Variants in DCC observed in about 807,000 individuals in gnomAD.
DCC encodes the protein netrin receptor DCC.
In DCC, 58 loss-of-function variants were observed where a neutral mutation model predicts 172.5. The ratio of observed to expected loss-of-function variants is 0.34; its 90% CI spans 0.27 to 0.42. The LOEUF is 0.42. Ranked by LOEUF, DCC falls within the 10% of genes least tolerant of loss-of-function variation. The probability of loss-of-function intolerance (pLI) is 1.00; values close to 1 mark genes in which losing one functional copy is unlikely to be tolerated. For missense variants in DCC, 1,740 were observed against 1,791.0 expected, an observed-to-expected ratio of 0.97 and a Z score of 0.51; for synonymous variants, 709 against 644.5, an observed-to-expected ratio of 1.10 and a Z score of -1.52.
intron 25 of DCC, among the ~76,000 whole-genome samples, chr18:53,473,982 C>T (rs1454466382): frequency 2.0e-5 from 3 of 151,872 alleles, no homozygotes; most frequent in Non-Finnish European, 4.4e-5. Context: ...GTGACTTATT[C>T]TACATGAATG....
At chr18:52,838,711 C>G (rs1347887996) in intron 2 of DCC, among the ~76,000 whole-genome samples, 1 of 152,046 alleles carries the variant, frequency 6.6e-6, no homozygotes, top group Non-Finnish European at 1.5e-5. Context: ...GAAATGGTTG[C>G]AACAGCATGT....
chr18:52,749,425 A>T (rs1322417443), intron 1 of DCC, among the ~76,000 whole-genome samples: 2 of 152,194 alleles, frequency 1.3e-5, no homozygotes, highest in Non-Finnish European at 1.5e-5. Flanking sequence ...TGAAACTTAG[A>T]AAAGGAGACC....
intron 5 of DCC, among the ~76,000 whole-genome samples, chr18:52,982,501 C>A (rs1005795771): frequency 1.3e-5 from 2 of 152,090 alleles, no homozygotes; most frequent in Non-Finnish European, 2.9e-5. Context: ...CTGCTTAGGG[C>A]AGCATTTCTC....
chr18:52,413,651 G>A (rs1986917323), intron 1 of DCC, among the ~76,000 whole-genome samples: 1 of 151,884 alleles, frequency 6.6e-6, no homozygotes, highest in African/African-American at 2.4e-5. Context: ...TGTATTCTAA[G>A]AAAATTAGTA....
chr18:52,696,076 G>A (rs1403998934), intron 1 of DCC, among the ~76,000 whole-genome samples: 1 of 152,058 alleles, frequency 6.6e-6, no homozygotes, highest in African/African-American at 2.4e-5. Context: ...AACAAGAAAT[G>A]AAAAAAGCTA....
intron 1 of DCC, among the ~76,000 whole-genome samples, chr18:52,549,395 C>T (rs1028907611): frequency 1.6e-4 from 25 of 151,986 alleles, no homozygotes; most frequent in Admixed American, 3.9e-4. Context: ...CCCCATTTGT[C>T]TCCTGTCTGG....
At chr18:52,395,788 A>G (rs542345302) in intron 1 of DCC, among the ~76,000 whole-genome samples, 124 of 152,108 alleles carry the variant, frequency 8.2e-4, no homozygotes, top group African/African-American at 2.8e-3. Context: ...CCTGAAGTCA[A>G]AGGCCCTTCA....
At chr18:52,875,767 CT>C (rs1408563599) in intron 2 of DCC, among the ~76,000 whole-genome samples, 2 of 152,186 alleles carry the variant, frequency 1.3e-5, no homozygotes, top group Non-Finnish European at 2.9e-5. Context: ...TGAGCTAAAC[CT>C]TGTCAGAGCT....
chr18:52,932,746 T>C (rs751353994), intron 5 of DCC, among the ~76,000 whole-genome samples: 5 of 152,028 alleles, frequency 3.3e-5, no homozygotes, highest in Non-Finnish European at 7.4e-5. Context: ...TATTTATATA[T>C]AGATATAGAT....
chr18:53,504,902 G>T (rs1471042336), intron 27 of DCC, among the ~76,000 whole-genome samples: 1 of 152,080 alleles, frequency 6.6e-6, no homozygotes, highest in Admixed American at 6.6e-5. Flanking sequence ...TAAAGAATTT[G>T]GAGAAATGTT....
intron 20 of DCC, among the ~76,000 whole-genome samples, chr18:53,412,986 A>G (rs548278614): frequency 1.1e-4 from 16 of 152,182 alleles, no homozygotes; most frequent in African/African-American, 3.6e-4. Context: ...GCACATACCC[A>G]CCTTTCCACT....
intron 1 of DCC, among the ~76,000 whole-genome samples, chr18:52,593,527 C>A (rs971629614): frequency 6.6e-6 from 1 of 152,086 alleles, no homozygotes; most frequent in African/African-American, 2.4e-5. Context: ...TTTCTGCTTT[C>A]CTTTATTTTT....
At chr18:52,642,543 A>G (rs1343236777) in intron 1 of DCC, among the ~76,000 whole-genome samples, 1 of 152,236 alleles carries the variant, frequency 6.6e-6, no homozygotes, top group Non-Finnish European at 1.5e-5. Flanking sequence ...TTTTTTCCCC[A>G]AAACTAAAAA....
intron 5 of DCC, among the ~76,000 whole-genome samples, chr18:53,050,234 G>A (rs746315734): frequency 3.2e-4 from 48 of 152,092 alleles, no homozygotes; most frequent in Non-Finnish European, 4.7e-4. Flanking sequence ...CTGAGGGTGG[G>A]TCTTCCTCTC....
At chr18:53,365,269 C>T (rs1166726374) in intron 15 of DCC, among the ~76,000 whole-genome samples, 1 of 139,072 alleles carries the variant, frequency 7.2e-6, no homozygotes, top group Admixed American at 7.3e-5. Context: ...CTTTTTAAGG[C>T]TGCATAGTAT....
chr18:52,401,104 A>G (rs923029194), intron 1 of DCC, among the ~76,000 whole-genome samples: 13 of 151,770 alleles, frequency 8.6e-5, no homozygotes, highest in African/African-American at 2.4e-4. Flanking sequence ...AAAGAATAAT[A>G]ATGATAAATA....
chr18:52,631,901 T>C (rs1333989651), intron 1 of DCC, among the ~76,000 whole-genome samples: 1 of 152,206 alleles, frequency 6.6e-6, no homozygotes, highest in East Asian at 1.9e-4. Flanking sequence ...CTTGTGACAG[T>C]GGCATTAAGG....
At chr18:53,296,581 G>A (rs1598994517) in intron 12 of DCC, among the ~76,000 whole-genome samples, 1 of 152,274 alleles carries the variant, frequency 6.6e-6, no homozygotes, top group South Asian at 2.1e-4. Context: ...GCGCCAGTTA[G>A]CTATGGCAAT....
At chr18:53,406,714 AAAGAAAG>A (rs977079257) in intron 19 of DCC, among the ~76,000 whole-genome samples, 5 of 115,060 alleles carry the variant, frequency 4.3e-5, no homozygotes, top group Non-Finnish European at 8.4e-5. Flanking sequence ...AAAAAAAAAA[AAAGAAAG>A]AAAGAAAAAA....
Sources: gnomAD v4.1 joint callset for allele counts (sites outside exome capture counted in the v4.1 genomes callset) on GRCh38, gnomAD v4.1.1 for gene constraint, MANE v1.5 for transcripts, NCBI Gene and HGNC (gene_info 2026-07-23, HGNC 2026-07-21) for gene names.